The following ROBO2 variants were observed in gnomAD, a reference collection of about 807,000 sequenced individuals.
The protein encoded by ROBO2 is roundabout guidance receptor 2, also known as roundabout homolog 2.
In ROBO2, 53 loss-of-function variants were observed where a neutral mutation model predicts 160.8. That is an observed-to-expected ratio of 0.33 (90% confidence interval 0.26 to 0.41). The LOEUF (loss-of-function observed/expected upper bound fraction) is 0.41, where lower values mean the gene tolerates loss of function less well. ROBO2 is among the 10% of genes least tolerant of loss of function. ROBO2 has a pLI of 1.00. For synonymous variants in ROBO2, 664 were observed against 611.7 expected (o/e 1.09, Z -1.26); for missense variants, 1,577 against 1,722.4 (o/e 0.92, Z 1.49).
At chr3:76,257,964 G>A (rs564321435) in intron 2 of ROBO2, among the ~76,000 whole-genome samples, 4 of 152,114 alleles carry the variant, frequency 2.6e-5, no homozygotes, top group South Asian at 2.1e-4. Flanking sequence ...TTCAGCACTT[G>A]GTATATTTTA....
chr3:76,526,589 GT>G (rs1211677102), intron 2 of ROBO2, among the ~76,000 whole-genome samples: 2 of 151,846 alleles, frequency 1.3e-5, no homozygotes, highest in South Asian at 4.2e-4. Context: ...TAAAATTTTA[GT>G]TTTTTTCTAA....
chr3:77,624,453 G>GTGCA (rs1211430375), intron 23 of ROBO2, among the ~76,000 whole-genome samples: 2 of 151,580 alleles, frequency 1.3e-5, no homozygotes, highest in African/African-American at 4.9e-5. Flanking sequence ...TATAGTGTGT[G>GTGCA]TGCATGCATG....
At chr3:77,062,036 G>A (rs368886503) in intron 1 of ROBO2, among the ~76,000 whole-genome samples, 21 of 152,072 alleles carry the variant, frequency 1.4e-4, no homozygotes, top group African/African-American at 4.6e-4. Flanking sequence ...GAGAGAAACC[G>A]AGAGTTTAGA....
At chr3:77,474,227 C>T (rs1473406814) in intron 2 of ROBO2, among the ~76,000 whole-genome samples, 1 of 152,148 alleles carries the variant, frequency 6.6e-6, no homozygotes, top group African/African-American at 2.4e-5. Context: ...TCTATACTTC[C>T]CCATCTCCCT....
At chr3:76,172,206 C>A (rs1179545397) in intron 2 of ROBO2, among the ~76,000 whole-genome samples, 1 of 150,674 alleles carries the variant, frequency 6.6e-6, no homozygotes, top group Non-Finnish European at 1.5e-5. Context: ...CCAAACACTG[C>A]ATGTTCTCAC....
At chr3:75,977,191 TACTC>T (rs2065155740) in intron 2 of ROBO2, among the ~76,000 whole-genome samples, 2 of 151,676 alleles carry the variant, frequency 1.3e-5, no homozygotes, top group South Asian at 4.1e-4. Context: ...CACCTGGCCT[TACTC>T]TGTCTCACAA....
intron 2 of ROBO2, among the ~76,000 whole-genome samples, chr3:77,006,750 A>C (rs1578204331): frequency 6.6e-6 from 1 of 152,098 alleles, no homozygotes; most frequent in African/African-American, 2.4e-5. Context: ...AAAGAGAAAT[A>C]AAGAAGTTTA....
chr3:75,925,653 A>G (rs1242263250), intron 1 of ROBO2, among the ~76,000 whole-genome samples: 1 of 152,214 alleles, frequency 6.6e-6, no homozygotes, highest in Non-Finnish European at 1.5e-5. Context: ...CCAGAATATG[A>G]GGCAACTGGA....
chr3:77,203,634 T>G (rs939602678), intron 2 of ROBO2, among the ~76,000 whole-genome samples: 13 of 152,214 alleles, frequency 8.5e-5, no homozygotes, highest in Admixed American at 2.6e-4. Context: ...TCACATAGAT[T>G]TCATTTTTTC....
exon 8 of ROBO2, chr3:77,550,988 T>C (rs767660546): frequency 6.8e-6 from 11 of 1,612,546 alleles, no homozygotes; most frequent in Middle Eastern, 1.6e-4. Context: ...AGGTTACTGA[T>C]GGTGCGATAT....
intron 2 of ROBO2, among the ~76,000 whole-genome samples, chr3:77,350,353 C>A: frequency 6.6e-6 from 1 of 152,062 alleles, no homozygotes; most frequent in East Asian, 1.9e-4. Context: ...GGGACCCTGT[C>A]TTGAAGTAAA....
chr3:76,958,898 G>T (rs1201801999), intron 2 of ROBO2, among the ~76,000 whole-genome samples: 1 of 152,124 alleles, frequency 6.6e-6, no homozygotes, highest in Non-Finnish European at 1.5e-5. Flanking sequence ...AATTATTGAC[G>T]TAATTGATAC....
chr3:76,099,418 A>G (rs749001624), intron 2 of ROBO2, among the ~76,000 whole-genome samples: 3 of 152,078 alleles, frequency 2.0e-5, no homozygotes, highest in Non-Finnish European at 4.4e-5. Flanking sequence ...AAATGTAATT[A>G]CCAAATCACT....
At chr3:77,366,208 A>C (rs1018108307) in intron 2 of ROBO2, among the ~76,000 whole-genome samples, 1 of 152,162 alleles carries the variant, frequency 6.6e-6, no homozygotes, top group Non-Finnish European at 1.5e-5. Context: ...AGAGAATGTG[A>C]CTAATCTGGT....
intron 2 of ROBO2, among the ~76,000 whole-genome samples, chr3:77,324,637 G>C (rs531312202): frequency 7.3e-6 from 1 of 136,564 alleles, no homozygotes; most frequent in Non-Finnish European, 1.5e-5. Context: ...AAAATTAGCC[G>C]GGTGCAGTGG....
intron 2 of ROBO2, among the ~76,000 whole-genome samples, chr3:77,180,649 G>A (rs1168972591): frequency 6.6e-6 from 1 of 151,320 alleles, no homozygotes; most frequent in African/African-American, 2.4e-5. Flanking sequence ...GAAAAGCTGT[G>A]ATGTTCATAG....
At position 76,746,111 on chromosome 3, in the gene ROBO2, A is replaced by G. The variant is rs182167137; in HGVS notation, c.110-351903A>G. Among the ~76,000 whole-genome samples, 19 of 151,466 alleles carry G rather than the reference A, an allele frequency of 1.3e-4. No individual in the cohort carries two copies. In the East Asian group the frequency reaches 3.3e-3, roughly 27 times the overall value. On this transcript the variant is annotated intron_variant, in intron 2 of 26. Coordinates refer to the ROBO2 transcript ENST00000487694. Reference sequence around the variant, plus strand: ...TGGTTTTTTGTTCTTGCGATAGTTTACTGAGAATGATGATTTCCAATTTCA... The same window carrying G: ...TGGTTTTTTGTTCTTGCGATAGTTTGCTGAGAATGATGATTTCCAATTTCA...
chr3:76,847,334 G>C (rs1344496093), intron 2 of ROBO2, among the ~76,000 whole-genome samples: 1 of 152,084 alleles, frequency 6.6e-6, no homozygotes, highest in Non-Finnish European at 1.5e-5. Context: ...CTTGTCTCTA[G>C]GTTATTTTGC....
chr3:77,611,025 G>A (rs1388191350), intron 21 of ROBO2, among the ~76,000 whole-genome samples: 5 of 151,874 alleles, frequency 3.3e-5, no homozygotes, highest in Admixed American at 6.6e-5. Flanking sequence ...GTGGCTGGGC[G>A]CGGTGGCTCA....
Sources: gnomAD v4.1 joint callset for allele counts (sites outside exome capture counted in the v4.1 genomes callset) on GRCh38, gnomAD v4.1.1 for gene constraint, MANE v1.5 for transcripts, NCBI Gene and HGNC (gene_info 2026-07-23, HGNC 2026-07-21) for gene names.